Variants in UBE2L3 observed in about 807,000 individuals in gnomAD.
The protein encoded by UBE2L3 is ubiquitin conjugating enzyme E2 L3.
Under a neutral mutation model 17.8 loss-of-function variants are expected in UBE2L3, and 1 was observed. That is an observed-to-expected ratio of 0.06 (90% CI 0.02 to 0.27). UBE2L3 has a LOEUF of 0.27. Among genes scored for constraint, UBE2L3 ranks in the 10% least tolerant of loss-of-function variants. UBE2L3 has a pLI of 1.00. For missense variants in UBE2L3, 40 were observed against 192.6 expected (o/e 0.21, Z 4.69); for synonymous variants, 44 against 68.5 (o/e 0.64, Z 1.76).
At chr22:21,570,353 C>G (rs1381066674) in intron 1 of UBE2L3, among the ~76,000 whole-genome samples, 1 of 152,104 alleles carries the variant, frequency 6.6e-6, no homozygotes, top group Non-Finnish European at 1.5e-5. Flanking sequence ...GTAACATTAA[C>G]TGAGTATTTA....
chr22:21,562,413 C>T (rs1287305398), intron 1 of UBE2L3, among the ~76,000 whole-genome samples: 3 of 150,690 alleles, frequency 2.0e-5, no homozygotes, highest in Non-Finnish European at 4.4e-5. Flanking sequence ...GCTCTGTCTC[C>T]CAGGCTGGAG....
chr22:21,562,464 C>T (rs112062725), intron 1 of UBE2L3, among the ~76,000 whole-genome samples: 10,934 of 151,206 alleles, frequency 0.072, 1,358 homozygotes, highest in African/African-American at 0.25. Context: ...CTCCGCCTCC[C>T]GGGTTCATGC....
At chr22:21,593,743 G>A (rs1261967241) in intron 2 of UBE2L3, among the ~76,000 whole-genome samples, 1 of 151,990 alleles carries the variant, frequency 6.6e-6, no homozygotes, top group African/African-American at 2.4e-5. Flanking sequence ...CCTCTAGCTC[G>A]GCAGTGCTGG....
intron 1 of UBE2L3, among the ~76,000 whole-genome samples, chr22:21,589,222 T>C (rs1928122941): frequency 6.7e-6 from 1 of 148,884 alleles, no homozygotes; most frequent in Admixed American, 6.9e-5. Context: ...CTTGGCTGAC[T>C]GCAAGCTCTG....
At chr22:21,585,273 T>C (rs1457277004) in intron 1 of UBE2L3, among the ~76,000 whole-genome samples, 3 of 152,232 alleles carry the variant, frequency 2.0e-5, no homozygotes, top group Middle Eastern at 3.2e-3. Flanking sequence ...CAGTCAGTTT[T>C]TCATGCTGCT....
At chr22:21,586,509 G>C (rs549195961) in intron 1 of UBE2L3, among the ~76,000 whole-genome samples, 1 of 151,294 alleles carries the variant, frequency 6.6e-6, no homozygotes, top group Admixed American at 6.6e-5. Context: ...GACCTCAAGT[G>C]ATCCGCCCAC....
chr22:21,572,942 C>T (rs140499), intron 1 of UBE2L3, among the ~76,000 whole-genome samples: 33,257 of 152,070 alleles, frequency 0.22, 4,425 homozygotes, highest in East Asian at 0.51. Flanking sequence ...TTCTGCTGAA[C>T]TATGCCTTCA....
At chr22:21,591,071 G>A (rs1254355895) in intron 1 of UBE2L3, among the ~76,000 whole-genome samples, 6 of 152,170 alleles carry the variant, frequency 3.9e-5, no homozygotes, top group Non-Finnish European at 8.8e-5. Flanking sequence ...TTTCTTATGA[G>A]TCTTGTGAGC....
chr22:21,565,783 A>AG (rs1926604937), upstream of UBE2L3, among the ~76,000 whole-genome samples: 11 of 148,440 alleles, frequency 7.4e-5, no homozygotes, highest in Non-Finnish European at 1.3e-4. Context: ...AAAAAAAAAA[A>AG]AGAGAAAAAC....
chr22:21,587,354 C>G (rs982175787), intron 1 of UBE2L3, among the ~76,000 whole-genome samples: 2 of 152,042 alleles, frequency 1.3e-5, no homozygotes, highest in Admixed American at 6.6e-5. Flanking sequence ...CCATGTCCAC[C>G]TAATTTTTGT....
chr22:21,561,338 G>A (rs1304770385), intron 1 of UBE2L3, among the ~76,000 whole-genome samples: 2 of 152,306 alleles, frequency 1.3e-5, no homozygotes, highest in African/African-American at 4.8e-5. Flanking sequence ...TACTTTGGGA[G>A]GCTGAGGTGG....
At chr22:21,568,845 GTC>G (rs1926795014) in intron 1 of UBE2L3, among the ~76,000 whole-genome samples, 1 of 152,194 alleles carries the variant, frequency 6.6e-6, no homozygotes, top group Non-Finnish European at 1.5e-5. Context: ...TGGAGCCACA[GTC>G]TCTGAGCATT....
chr22:21,561,761 G>A (rs926343960), intron 1 of UBE2L3, among the ~76,000 whole-genome samples: 17 of 152,266 alleles, frequency 1.1e-4, no homozygotes, highest in Non-Finnish European at 2.1e-4. Context: ...CACTGATTGT[G>A]GGAAGCGAGG....
intron 1 of UBE2L3, among the ~76,000 whole-genome samples, chr22:21,580,140 C>G (rs1927542895): frequency 6.6e-6 from 1 of 152,230 alleles, no homozygotes; most frequent in Non-Finnish European, 1.5e-5. Context: ...AAAACCTGCT[C>G]TGTCCGTTTC....
At chr22:21,585,255 A>G (rs1449852040) in intron 1 of UBE2L3, among the ~76,000 whole-genome samples, 2 of 152,218 alleles carry the variant, frequency 1.3e-5, no homozygotes, top group Non-Finnish European at 2.9e-5. Context: ...ACGATTGGTC[A>G]GCTAAACCAG....
intron 1 of UBE2L3, among the ~76,000 whole-genome samples, chr22:21,556,454 G>A (rs1926228703): frequency 6.6e-6 from 1 of 152,238 alleles, no homozygotes; most frequent in Non-Finnish European, 1.5e-5. Context: ...TTTGGAGACA[G>A]GGTCTTGCTC....
At chr22:21,580,060 T>C (rs1485953377) in intron 1 of UBE2L3, among the ~76,000 whole-genome samples, 1 of 152,226 alleles carries the variant, frequency 6.6e-6, no homozygotes, top group East Asian at 1.9e-4. Context: ...ATGTTTTTGT[T>C]GATGTAAATA....
chr22:21,614,488 T>C (rs1359039500), intron 3 of UBE2L3: 5 of 1,011,862 alleles, frequency 4.9e-6, no homozygotes, highest in Non-Finnish European at 7.0e-6. Context: ...CCTGCTGTAA[T>C]CTTCCAGCGC....
At chr22:21,589,416 G>C (rs1454437376) in intron 1 of UBE2L3, among the ~76,000 whole-genome samples, 1 of 152,110 alleles carries the variant, frequency 6.6e-6, no homozygotes, top group Non-Finnish European at 1.5e-5. Context: ...CGAAATGCTG[G>C]GATTACAGGC....
Sources: gnomAD v4.1 joint callset for allele counts (sites outside exome capture counted in the v4.1 genomes callset) on GRCh38, gnomAD v4.1.1 for gene constraint, MANE v1.5 for transcripts, NCBI Gene and HGNC (gene_info 2026-07-23, HGNC 2026-07-21) for gene names.